The following PTPRE variants were observed in gnomAD, a reference collection of about 807,000 sequenced individuals.
PTPRE encodes the protein receptor-type tyrosine-protein phosphatase epsilon.
In PTPRE, 51 loss-of-function variants were observed where a neutral mutation model predicts 102.0. The ratio of observed to expected loss-of-function variants is 0.50; its 90% CI spans 0.40 to 0.63. The LOEUF (loss-of-function observed/expected upper bound fraction) is 0.63. Among genes scored for constraint, PTPRE ranks in the 30% least tolerant of loss-of-function variants. PTPRE has a pLI of 0.00. For missense variants in PTPRE, 752 were observed against 915.1 expected (o/e 0.82, Z 2.30); for synonymous variants, 345 against 348.2 (o/e 0.99, Z 0.10).
At chr10:128,037,057 C>T (rs1387391185) in intron 2 of PTPRE, among the ~76,000 whole-genome samples, 1 of 152,214 alleles carries the variant, frequency 6.6e-6, no homozygotes, top group Non-Finnish European at 1.5e-5. Flanking sequence ...CCCAGATACT[C>T]GGATTTCTTC....
chr10:127,914,555 G>A (rs76839012), intron 1 of PTPRE, among the ~76,000 whole-genome samples: 5,361 of 152,238 alleles, frequency 0.035, 132 homozygotes, highest in Middle Eastern at 0.085. Flanking sequence ...GCCTCCTCTG[G>A]GGAAGACAAA....
At chr10:127,954,737 T>C (rs1160559924) in intron 1 of PTPRE, among the ~76,000 whole-genome samples, 4 of 152,172 alleles carry the variant, frequency 2.6e-5, no homozygotes, top group African/African-American at 9.6e-5. Context: ...GTCCAACATA[T>C]GATGCTCTTT....
intron 10 of PTPRE, among the ~76,000 whole-genome samples, chr10:128,065,189 A>G (rs968234229): frequency 1.3e-5 from 2 of 152,218 alleles, no homozygotes; most frequent in African/African-American, 4.8e-5. Flanking sequence ...GCTGCTCTCT[A>G]CTAAATACCA....
chr10:128,058,983 T>C (rs1423603282), intron 7 of PTPRE, among the ~76,000 whole-genome samples: 1 of 152,188 alleles, frequency 6.6e-6, no homozygotes, highest in Non-Finnish European at 1.5e-5. Flanking sequence ...TATAGAAAGA[T>C]GGCAAGCTAG....
Position 127,943,834 on chromosome 10 carries a change from G to A in PTPRE, c.-31+36525G>A, listed in dbSNP as rs145616869. ...AGAGCTAAGGAGGCCTGTTCCTCAC[G>A]AGCTGGACAGGCAGACTGGAATGAC... is the stretch of plus-strand genomic sequence containing the variant. On this transcript the variant is annotated intron_variant, in intron 1 of 20. Coordinates refer to ENST00000254667, the MANE Select transcript of PTPRE (RefSeq NM_006504.6). Among the ~76,000 whole-genome samples, 4 of 152,264 alleles carry A rather than the reference G, an allele frequency of 2.6e-5. No individual in the cohort carries two copies. The East Asian group carries it at 7.7e-4, about 29-fold the overall frequency.
At chr10:128,056,343 T>G in intron 7 of PTPRE, 130 bp downstream of exon 7, 1 of 724,956 alleles carries the variant, frequency 1.4e-6, no homozygotes, top group Non-Finnish European at 2.4e-6. Flanking sequence ...CTGCTCAGCA[T>G]TTGCACCTAG....
chr10:127,968,897 A>G (rs1005821141), intron 1 of PTPRE, among the ~76,000 whole-genome samples: 2 of 152,262 alleles, frequency 1.3e-5, no homozygotes, highest in Admixed American at 6.5e-5. Flanking sequence ...CTGACAAGGC[A>G]AAAATGAAAC....
chr10:128,066,925 C>T (rs1461049365), intron 11 of PTPRE, among the ~76,000 whole-genome samples: 1 of 151,626 alleles, frequency 6.6e-6, no homozygotes, highest in Non-Finnish European at 1.5e-5. Flanking sequence ...CACACACAGG[C>T]ACACACATGC....
intron 1 of PTPRE, among the ~76,000 whole-genome samples, chr10:127,951,827 C>T (rs1452702252): frequency 6.6e-6 from 1 of 152,208 alleles, no homozygotes; most frequent in East Asian, 1.9e-4. Flanking sequence ...TTCCCACCTT[C>T]AACTCTCCTA....
At chr10:127,943,475 T>C (rs1256633608) in intron 1 of PTPRE, among the ~76,000 whole-genome samples, 1 of 152,060 alleles carries the variant, frequency 6.6e-6, no homozygotes, top group Non-Finnish European at 1.5e-5. Context: ...CGTCGTCTTC[T>C]CCCATGCAGG....
Position 128,076,659 on chromosome 10 carries a change from G to T in PTPRE, c.1656G>T (p.Thr552=). The T allele has an allele frequency of 7.4e-6, 12 of 1,611,772 alleles. No individual in the cohort carries two copies. The highest frequency in any genetic ancestry group is 1.0e-5 in the Non-Finnish European group (12 of 1,179,422). The change falls in exon 18 of 21, where the codon ACG becomes ACT. Residue 552 remains threonine, a synonymous_variant. Transcript: ENST00000254667. Reference sequence around the variant, plus strand: ...GCTCAGTTACTCATGGAGAAATAACGATTGAGATAAAGAATGATACCCTTT... The same window carrying T: ...GCTCAGTTACTCATGGAGAAATAACTATTGAGATAAAGAATGATACCCTTT... ...TEGSVTHGEI[T]IEIKNDTLSE... is the part of the protein sequence containing the mutation.
intron 6 of PTPRE, among the ~76,000 whole-genome samples, chr10:128,050,921 A>T (rs1416241000): frequency 1.3e-5 from 2 of 152,226 alleles, no homozygotes; most frequent in African/African-American, 4.8e-5. Context: ...TGGCCCATGT[A>T]AACTGTACAT....
At position 128,077,585 on chromosome 10, in the gene PTPRE, G is replaced by A. The variant is rs554679209; in HGVS notation, c.1726-32G>A. On this transcript the variant is annotated intron_variant, in intron 18 of 20. Coordinates refer to ENST00000254667, the MANE Select transcript of PTPRE (RefSeq NM_006504.6). ...GCTGGGGCCTGTTCCCCGGCAGGCA[G>A]GCGACGCTGAGACCCCCTCTCCTCC... 6 of 1,579,014 alleles carry A rather than the reference G, an allele frequency of 3.8e-6. No homozygotes were observed. The South Asian group carries it at 4.5e-5, about 12-fold the overall frequency.
intron 1 of PTPRE, among the ~76,000 whole-genome samples, chr10:127,922,489 G>A (rs1475182081): frequency 6.6e-6 from 1 of 152,244 alleles, no homozygotes; most frequent in Non-Finnish European, 1.5e-5. Context: ...GTGGGATTGA[G>A]AAGGCCTCAT....
chr10:128,019,664 G>C (rs1319016912), intron 2 of PTPRE, among the ~76,000 whole-genome samples: 1 of 149,144 alleles, frequency 6.7e-6, no homozygotes, highest in Non-Finnish European at 1.5e-5. Context: ...CATTAAGCAC[G>C]TGTTCATCAG....
intron 1 of PTPRE, among the ~76,000 whole-genome samples, chr10:127,951,293 C>T (rs1849004706): frequency 6.6e-6 from 1 of 152,156 alleles, no homozygotes; most frequent in African/African-American, 2.4e-5. Context: ...GGGTTCCCTC[C>T]AGGAAGGACT....
chr10:128,073,527 T>C (rs1850965912), intron 17 of PTPRE, 56 bp downstream of exon 17: 6 of 1,578,006 alleles, frequency 3.8e-6, no homozygotes, highest in Non-Finnish European at 5.2e-6. Context: ...CCTGAGGCAC[T>C]GTCCCCGTTC....
chr10:128,049,639 C>A lies in PTPRE; in HGVS notation c.393C>A (p.Asp131Glu). The A allele has an allele frequency of 6.2e-7, 1 of 1,613,970 alleles. No homozygotes were observed. Reference protein sequence around the residue: ...EEEIRIRSADDCKQFREEFNS... With the variant: ...EEEIRIRSADECKQFREEFNS... ...AGATCCGTATCAGATCCGCCGACGA[C>A]TGCAAGCAGTTTCGGGAGGAGTTCA... The change falls in exon 6 of 21, where the codon GAC becomes GAA. Residue 131 changes from aspartate to glutamate, a missense_variant. Transcript: ENST00000254667.
chr10:127,915,784 C>T (rs1008564682), intron 1 of PTPRE, among the ~76,000 whole-genome samples: 1 of 152,004 alleles, frequency 6.6e-6, no homozygotes, highest in Non-Finnish European at 1.5e-5. Flanking sequence ...AAGTATTAAA[C>T]CTTTATTGAC....
Sources: gnomAD v4.1 joint callset for allele counts (sites outside exome capture counted in the v4.1 genomes callset) on GRCh38, gnomAD v4.1.1 for gene constraint, MANE v1.5 for transcripts, NCBI Gene and HGNC (gene_info 2026-07-23, HGNC 2026-07-21) for gene names.